Variants in FLVCR2 observed in about 807,000 individuals in gnomAD.
FLVCR2 encodes choline/ethanolamine transporter FLVCR2.
In FLVCR2, 38 loss-of-function variants were observed where a neutral mutation model predicts 48.9. The observed-to-expected ratio is 0.78, with a 90% CI of 0.60 to 1.02. The LOEUF is 1.02. FLVCR2 is among the 50% of genes least tolerant of loss of function. The probability of loss-of-function intolerance (pLI) is 0.00; values close to 1 mark genes in which losing one functional copy is unlikely to be tolerated. For synonymous variants in FLVCR2, 255 were observed against 257.0 expected, an observed-to-expected ratio of 0.99 and a Z score of 0.07; for missense variants, 664 against 663.3, an observed-to-expected ratio of 1.00 and a Z score of -0.01.
intron 1 of FLVCR2, among the ~76,000 whole-genome samples, chr14:75,597,341 A>G (rs768674780): frequency 6.6e-6 from 1 of 151,642 alleles, no homozygotes; most frequent in Non-Finnish European, 1.5e-5. Context: ...GAAAGGTTGC[A>G]TGGAACTGAA....
rs1888512882 is a variant in FLVCR2 at position 75,578,690 on chromosome 14, G to T, written c.-283G>T. The stretch of plus-strand genomic sequence containing the variant: ...CTGCACAAGGAACGCCTCGTGGGGA[G>T]ACCCAAGGCAGGAGCGGTCCGGAGC... On this transcript the variant is annotated 5_prime_UTR_variant, in exon 1 of 10. Coordinates refer to ENST00000238667, the MANE Select transcript of FLVCR2 (RefSeq NM_017791.3). The T allele has an allele frequency of 1.8e-6, 1 of 544,102 alleles. No individual in the cohort carries two copies. Among genetic ancestry groups the T allele is most frequent in the African/African-American group, 1.9e-5 (1 of 52,526 alleles). The allele number at this position is 544,102 out of a possible 1,614,324, so 33.7% of individuals were successfully genotyped here.
rs1888535790 is a variant in FLVCR2 at position 75,579,304 on chromosome 14, T to C, written c.332T>C (p.Ile111Thr). 1 of 1,614,012 alleles carries C rather than the reference T, an allele frequency of 6.2e-7. No homozygotes were observed. The highest frequency in any genetic ancestry group is 2.2e-5 in the East Asian group (1 of 44,896). ...QWIQYGSINN[I>T]FMHFYGVSAF... ...ATCCAGTACGGCTCCATCAATAACA[T>C]CTTCATGCACTTCTACGGTGTCAGT... The change falls in exon 1 of 10, where the codon ATC (isoleucine) becomes ACC (threonine). Residue 111 changes from isoleucine (I) to threonine (T), a missense_variant. Physicochemically the swap from Ile to Thr is moderately conservative, Grantham distance 89 (BLOSUM62 -1). Transcript: ENST00000238667.
chr14:75,597,660 C>A (rs1681370443), intron 1 of FLVCR2, among the ~76,000 whole-genome samples: 1 of 152,072 alleles, frequency 6.6e-6, no homozygotes, highest in Admixed American at 6.6e-5. Flanking sequence ...ATCTCCACTT[C>A]CCAAGTTCAA....
At chr14:75,612,132 A>G (rs1889474521) in intron 1 of FLVCR2, among the ~76,000 whole-genome samples, 1 of 152,192 alleles carries the variant, frequency 6.6e-6, no homozygotes, top group East Asian at 1.9e-4. Flanking sequence ...AAAATTAATA[A>G]TTAAAAAATA....
At chr14:75,595,649 T>C (rs1888999446) in intron 1 of FLVCR2, among the ~76,000 whole-genome samples, 1 of 152,238 alleles carries the variant, frequency 6.6e-6, no homozygotes. Context: ...TCACATCTAT[T>C]GATTGTTATT....
At chr14:75,641,408 T>G in intron 8 of FLVCR2, 115 bp downstream of exon 8, 1 of 743,230 alleles carries the variant, frequency 1.3e-6, no homozygotes, top group Non-Finnish European at 2.4e-6. Context: ...GAAGGGTTTG[T>G]TGGGGAATCT....
At chr14:75,596,385 C>T (rs1403024002) in intron 1 of FLVCR2, among the ~76,000 whole-genome samples, 1 of 152,132 alleles carries the variant, frequency 6.6e-6, no homozygotes, top group Non-Finnish European at 1.5e-5. Flanking sequence ...GGGGGCCAGC[C>T]AGTCCATATA....
chr14:75,636,351 G>A (rs1890167188), intron 5 of FLVCR2, among the ~76,000 whole-genome samples: 1 of 152,234 alleles, frequency 6.6e-6, no homozygotes, highest in Non-Finnish European at 1.5e-5. Flanking sequence ...AATTACTGCT[G>A]GCGGGGCTTG....
At chr14:75,636,963 G>A (rs1380793048) in intron 5 of FLVCR2, among the ~76,000 whole-genome samples, 3 of 152,224 alleles carry the variant, frequency 2.0e-5, no homozygotes, top group Admixed American at 6.5e-5. Context: ...CAGCAGAGTT[G>A]GTAGGAAGAG....
intron 1 of FLVCR2, among the ~76,000 whole-genome samples, chr14:75,599,379 A>T (rs528619043): frequency 6.6e-6 from 1 of 151,606 alleles, no homozygotes; most frequent in East Asian, 2.0e-4. Context: ...ATTAAAAAAT[A>T]AAATACTTAG....
chr14:75,619,857 T>G (rs2140035630), intron 1 of FLVCR2, among the ~76,000 whole-genome samples: 1 of 152,294 alleles, frequency 6.6e-6, no homozygotes, highest in South Asian at 2.1e-4. Flanking sequence ...ATAGATGGAA[T>G]GAACAGAGTC....
intron 1 of FLVCR2, among the ~76,000 whole-genome samples, chr14:75,589,033 A>G (rs1888819216): frequency 6.6e-6 from 1 of 151,856 alleles, no homozygotes; most frequent in Non-Finnish European, 1.5e-5. Flanking sequence ...ATTAACAAGA[A>G]CCAGCCTGGA....
chr14:75,645,936 A>C (rs1454053729), intron 9 of FLVCR2, among the ~76,000 whole-genome samples: 4 of 151,686 alleles, frequency 2.6e-5, no homozygotes, highest in African/African-American at 9.7e-5. Context: ...AAAAAAAAAA[A>C]AAAGTATTCC....
At chr14:75,632,776 TG>T in intron 3 of FLVCR2, 1 of 702,114 alleles carries the variant, frequency 1.4e-6, no homozygotes, top group African/African-American at 1.7e-5. Context: ...CATTATGGAG[TG>T]GCAGTACTTA....
At chr14:75,588,783 A>G (rs571242937) in intron 1 of FLVCR2, among the ~76,000 whole-genome samples, 1 of 152,286 alleles carries the variant, frequency 6.6e-6, no homozygotes, top group Admixed American at 6.5e-5. Context: ...CTGGCCCCCC[A>G]ACACATGAAC....
intron 1 of FLVCR2, among the ~76,000 whole-genome samples, chr14:75,598,458 C>A (rs755197136): frequency 6.6e-6 from 1 of 152,062 alleles, no homozygotes; most frequent in African/African-American, 2.4e-5. Context: ...TTCTCTATAA[C>A]CTAATCTTGG....
chr14:75,579,410 G>C lies in FLVCR2; in HGVS notation c.438G>C (p.Glu146Asp). 3 of 1,614,124 alleles carry C rather than the reference G, an allele frequency of 1.9e-6. No individual in the cohort carries two copies. Among genetic ancestry groups the C allele is most frequent in the Non-Finnish European group, 2.5e-6 (3 of 1,180,052 alleles). Residue 146 changes from glutamate to aspartate, a missense_variant, in exon 1 of 10, where the codon GAG (glutamate) becomes GAC (aspartate). Coordinates refer to ENST00000238667, the MANE Select transcript of FLVCR2 (RefSeq NM_017791.3). ...TCCTGCCAGTGGCTTGGCTGCTGGA[G>C]AAGTTCGGCCTGCGCACCATTGCTC... ...PLLLPVAWLL[E>D]KFGLRTIALT...
intron 1 of FLVCR2, among the ~76,000 whole-genome samples, chr14:75,592,739 A>G (rs984911959): frequency 6.6e-6 from 1 of 152,138 alleles, no homozygotes; most frequent in African/African-American, 2.4e-5. Context: ...CTGTAATCAC[A>G]GCACTTTGGG....
intron 4 of FLVCR2, 107 bp downstream of exon 4, chr14:75,633,803 G>A: frequency 2.3e-6 from 2 of 884,066 alleles, no homozygotes; most frequent in South Asian, 1.3e-5. Context: ...CCAGTTCTAG[G>A]TAGGGTGATA....
Sources: gnomAD v4.1 joint callset for allele counts (sites outside exome capture counted in the v4.1 genomes callset) on GRCh38, gnomAD v4.1.1 for gene constraint, MANE v1.5 for transcripts, NCBI Gene and HGNC (gene_info 2026-07-23, HGNC 2026-07-21) for gene names.